TAS2R9: variants seen among roughly 807,000 people sequenced by gnomAD.
TAS2R9 encodes the protein taste receptor type 2 member 9.
For missense variants in TAS2R9, 406 were observed against 363.6 expected, an observed-to-expected ratio of 1.12 and a Z score of -0.95; for synonymous variants, 158 against 134.2, an observed-to-expected ratio of 1.18 and a Z score of -1.23.
At position 10,809,388 on chromosome 12, in the gene TAS2R9, C is replaced by A. The variant is rs200758382; in HGVS notation, c.688G>T (p.Ala230Ser). The change falls in exon 1 of 1, where the codon GCC becomes TCC. Residue 230 changes from alanine to serine, a missense_variant. By Grantham distance (99) the Ala-to-Ser change is moderately conservative. Transcript: ENST00000240691. ...AGAAAGATGATCACTGCCTTTATGG[C>A]CCTCATGTGGGCCTCTGTACTGGGG... ...RDPSTEAHMR[A>S]IKAVIIFLLL... 30 of 1,613,514 alleles carry A rather than the reference C, an allele frequency of 1.9e-5. No homozygotes were observed. The highest frequency in any genetic ancestry group is 2.7e-5 in the African/African-American group (2 of 74,938).
Position 10,809,592 on chromosome 12 carries a change from C to T in TAS2R9, c.484G>A (p.Glu162Lys). Residue 162 changes from glutamate (E) to lysine (K), a missense_variant, in exon 1 of 1, where the codon GAA becomes AAA. Transcript: ENST00000240691. ...TTGAATTTCCAAGTAATGTTTTCTT[C>T]ATGACTGACTTTGAAAAGGTGATAC... ...MWYHLFKVSH[E>K]ENITWKFKVS... is the part of the protein sequence containing the mutation. 1 of 1,613,610 alleles carries T rather than the reference C, an allele frequency of 6.2e-7. No individual in the cohort carries two copies. Among genetic ancestry groups the T allele is most frequent in the Non-Finnish European group, 8.5e-7 (1 of 1,179,808 alleles).
At position 10,809,504 on chromosome 12, in the gene TAS2R9, A is replaced by C. The variant is rs1258896913; in HGVS notation, c.572T>G (p.Phe191Cys). 1 of 1,613,506 alleles carries C rather than the reference A, an allele frequency of 6.2e-7. No homozygotes were observed. The highest frequency in any genetic ancestry group is 1.3e-5 in the African/African-American group (1 of 74,840). ...GAAAAATGAGATCAGGCAAAGGATAAAGGGAACCATCACCCCCAGGTTCAG... is the reference window on the plus strand; with the variant it reads ...GAAAAATGAGATCAGGCAAAGGATACAGGGAACCATCACCCCCAGGTTCAG... ...LTLNLGVMVP[F>C]ILCLISFFLL... Residue 191 changes from phenylalanine (F) to cysteine (C), a missense_variant, in exon 1 of 1, where the codon TTT becomes TGT. Physicochemically the swap from Phe to Cys is radical, Grantham distance 205. Transcript: ENST00000240691.
chr12:10,809,753 A>T, the TAS2R9 span: 1 of 1,613,750 alleles, frequency 6.2e-7, no homozygotes, highest in Non-Finnish European at 8.5e-7. Flanking sequence ...TATCTTGAGT[A>T]AATAGAAGAT....
chr12:10,809,241 A>G lies in TAS2R9; in HGVS notation c.835T>C (p.Ser279Pro). ...CTATTTCCCATAATTAGAATGAATGAATGGCTTGATGGGAAAATGACAGTT... is the reference window on the plus strand; with the variant it reads ...CTATTTCCCATAATTAGAATGAATGGATGGCTTGATGGGAAAATGACAGTT... The part of the protein sequence containing the change: ...IVTVIFPSSH[S>P]FILIMGNSKL... Residue 279 changes from serine to proline, a missense_variant, in exon 1 of 1, where the codon TCA becomes CCA. Ser to Pro is a moderately conservative substitution (Grantham distance 74, BLOSUM62 -1). Coordinates refer to ENST00000240691, the MANE Select transcript of TAS2R9 (RefSeq NM_023917.2). 1 of 1,613,714 alleles carries G rather than the reference A, an allele frequency of 6.2e-7. No homozygotes were observed. The highest frequency in any genetic ancestry group is 8.5e-7 in the Non-Finnish European group (1 of 1,179,794).
rs769369277 is a variant in TAS2R9 at position 10,809,382 on chromosome 12, T to C, written c.694A>G (p.Lys232Glu). Residue 232 changes from lysine (K) to glutamate (E), a missense_variant, in exon 1 of 1, where the codon AAG (lysine) becomes GAG (glutamate). Lys to Glu is a moderately conservative substitution (Grantham distance 56). Transcript: ENST00000240691. ...PSTEAHMRAI[K>E]AVIIFLLLLI... Reference sequence around the variant, plus strand: ...AGGAGCAGAAAGATGATCACTGCCTTTATGGCCCTCATGTGGGCCTCTGTA... The same window carrying C: ...AGGAGCAGAAAGATGATCACTGCCTCTATGGCCCTCATGTGGGCCTCTGTA... 1 of 1,613,556 alleles carries C rather than the reference T, an allele frequency of 6.2e-7. No individual in the cohort carries two copies. The highest frequency in any genetic ancestry group is 1.1e-5 in the South Asian group (1 of 91,064).
chr12:10,810,004 A>T lies in TAS2R9; in HGVS notation c.72T>A (p.Asn24Lys). The change falls in exon 1 of 1, where the codon AAT becomes AAA. Residue 24 changes from asparagine (N) to lysine (K), a missense_variant. Coordinates refer to ENST00000240691, the MANE Select transcript of TAS2R9 (RefSeq NM_023917.2). ...AGELTIGIWGNGFIVLVNCID... is the reference protein window; with the variant it reads ...AGELTIGIWGKGFIVLVNCID... ...TGCAGTTAACTAGTACAATGAATCCATTTCCCCAAATCCCTATGGTCAATT... is the reference window on the plus strand; with the variant it reads ...TGCAGTTAACTAGTACAATGAATCCTTTTCCCCAAATCCCTATGGTCAATT... The T allele has an allele frequency of 6.2e-7, 1 of 1,613,660 alleles. No individual in the cohort carries two copies. The highest frequency in any genetic ancestry group is 8.5e-7 in the Non-Finnish European group (1 of 1,179,750).
chr12:10,809,867 A>T lies in TAS2R9; in HGVS notation c.209T>A (p.Leu70Gln), dbSNP rs1201839006. The T allele has an allele frequency of 6.2e-7, 1 of 1,613,820 alleles. No individual in the cohort carries two copies. Among genetic ancestry groups the T allele is most frequent in the East Asian group, 2.2e-5 (1 of 44,854 alleles). The change falls in exon 1 of 1, where the codon CTG becomes CAG. Residue 70 changes from leucine to glutamine, a missense_variant. Physicochemically the swap from Leu to Gln is moderately radical, Grantham distance 113 (BLOSUM62 -2). Coordinates refer to ENST00000240691, the MANE Select transcript of TAS2R9 (RefSeq NM_023917.2). ...ATTGCCATATGTACCTGGAAAGAGC[A>T]GCATAAAGAAGCCATCTAATGATAT... Reference protein sequence around the residue: ...CVISLDGFFMLLFPGTYGNSV... With the variant: ...CVISLDGFFMQLFPGTYGNSV...
chr12:10,809,403 C>G lies in TAS2R9; in HGVS notation c.673G>C (p.Glu225Gln), dbSNP rs1358570143. 6.2e-7 allele frequency: 1 copy of G among 1,613,582 alleles called. No individual in the cohort carries two copies. Among genetic ancestry groups the G allele is most frequent in the East Asian group, 2.2e-5 (1 of 44,838 alleles). Reference protein sequence around the residue: ...HATGFRDPSTEAHMRAIKAVI... With the variant: ...HATGFRDPSTQAHMRAIKAVI... ...GCCTTTATGGCCCTCATGTGGGCCT[C>G]TGTACTGGGGTCTCTGAACCCTGTA... Residue 225 changes from glutamate (E) to glutamine (Q), a missense_variant, in exon 1 of 1, where the codon GAG becomes CAG. By Grantham distance (29) the Glu-to-Gln change is conservative. Transcript: ENST00000240691.
chr12:10,809,658 T>A lies in TAS2R9; in HGVS notation c.418A>T (p.Ile140Phe). Residue 140 changes from isoleucine (I) to phenylalanine (F), a missense_variant, in exon 1 of 1, where the codon ATC becomes TTC. By Grantham distance (21) the Ile-to-Phe change is conservative. Coordinates refer to ENST00000240691, the MANE Select transcript of TAS2R9 (RefSeq NM_023917.2). ...MLAILLGSFL[I>F]SLIISVPKND... ...TTTGGAACACTAATAATTAAAGAGATAAGAAAGGACCCCAGAAGAATCGCA... is the reference window on the plus strand; with the variant it reads ...TTTGGAACACTAATAATTAAAGAGAAAAGAAAGGACCCCAGAAGAATCGCA... 6.2e-7 allele frequency: 1 copy of A among 1,613,582 alleles called. No individual in the cohort carries two copies. Among genetic ancestry groups the A allele is most frequent in the Non-Finnish European group, 8.5e-7 (1 of 1,179,822 alleles).
chr12:10,809,508 G>C lies in TAS2R9; in HGVS notation c.568C>G (p.Pro190Ala). ...AATGAGATCAGGCAAAGGATAAAGG[G>C]AACCATCACCCCCAGGTTCAGGGTT... ...QLTLNLGVMV[P>A]FILCLISFFL... Residue 190 changes from proline (P) to alanine (A), a missense_variant, in exon 1 of 1, where the codon CCC (proline) becomes GCC (alanine). Coordinates refer to ENST00000240691, the MANE Select transcript of TAS2R9 (RefSeq NM_023917.2). 1 of 1,613,430 alleles carries C rather than the reference G, an allele frequency of 6.2e-7. No individual in the cohort carries two copies. The highest frequency in any genetic ancestry group is 8.5e-7 in the Non-Finnish European group (1 of 1,179,766).
In TAS2R9 at chr12:10,809,387, G is replaced by C; in HGVS notation, c.689C>G (p.Ala230Gly). 1 of 1,613,564 alleles carries C rather than the reference G, an allele frequency of 6.2e-7. No homozygotes were observed. Among genetic ancestry groups the C allele is most frequent in the Non-Finnish European group, 8.5e-7 (1 of 1,179,794 alleles). ...RDPSTEAHMR[A>G]IKAVIIFLLL... The stretch of plus-strand genomic sequence containing the variant: ...CAGAAAGATGATCACTGCCTTTATG[G>C]CCCTCATGTGGGCCTCTGTACTGGG... Residue 230 changes from alanine to glycine, a missense_variant, in exon 1 of 1, where the codon GCC becomes GGC. By Grantham distance (60) the Ala-to-Gly change is moderately conservative. Coordinates refer to ENST00000240691, the MANE Select transcript of TAS2R9 (RefSeq NM_023917.2).
chr12:10,809,739 TGGC>T lies in TAS2R9; in HGVS notation c.334_336del (p.Ala112del). 3 of 1,613,670 alleles carry T rather than the reference TGGC, an allele frequency of 1.9e-6. No homozygotes were observed. Among genetic ancestry groups the T allele is most frequent in the Non-Finnish European group, 2.5e-6 (3 of 1,179,844 alleles). On this transcript the variant is annotated inframe_deletion, in exon 1 of 1. Coordinates refer to ENST00000240691, the MANE Select transcript of TAS2R9 (RefSeq NM_023917.2). ...CAGAAGAAAAATGGGTGCGATATAT[TGGC>T]TATCTTGAGTAAATAGAAGATACTG...
Sources: gnomAD v4.1 joint callset for allele counts on GRCh38, gnomAD v4.1.1 for gene constraint, MANE v1.5 for transcripts, NCBI Gene and HGNC (gene_info 2026-07-23, HGNC 2026-07-21) for gene names.